CLCA4: variants seen among roughly 807,000 people sequenced by gnomAD.
CLCA4 encodes calcium-activated chloride channel regulator 4.
In CLCA4, 69 loss-of-function variants were observed where a neutral mutation model predicts 78.9. The observed-to-expected ratio is 0.87, with a 90% CI of 0.72 to 1.07. CLCA4 has a LOEUF of 1.07. Ranked by LOEUF, CLCA4 falls within the 50% of genes least tolerant of loss-of-function variation. The pLI is 0.00. For synonymous variants in CLCA4, 362 were observed against 375.8 expected, an observed-to-expected ratio of 0.96 and a Z score of 0.42; for missense variants, 1,133 against 1,095.8, an observed-to-expected ratio of 1.03 and a Z score of -0.48.
chr1:86,571,116 G>A lies in CLCA4; in HGVS notation c.1222G>A (p.Val408Ile), dbSNP rs779067760. 11 of 1,612,412 alleles carry A rather than the reference G, an allele frequency of 6.8e-6. No homozygotes were observed. In the African/African-American group the frequency reaches 1.5e-4, roughly 22 times the overall value. The change falls in exon 8 of 14, where the codon GTA becomes ATA. Residue 408 changes from valine to isoleucine, a missense_variant. Val to Ile is a conservative substitution (Grantham distance 29). Coordinates refer to ENST00000370563, the MANE Select transcript of CLCA4 (RefSeq NM_012128.4). ...ELHSQLDGSE[V>I]LLLTDGEDNT... ...ACATTCCCAACTCGATGGATCCGAA[G>A]TACTGCTGCTGACTGATGGGGAGGA... is the stretch of plus-strand genomic sequence containing the variant.
rs750122208 is a variant in CLCA4 at position 86,580,089 on chromosome 1, A to T, written c.2504A>T (p.Glu835Val). ...GCATTTAAACCAGAAAATATCTCAG[A>T]AGAAAATGCAACCCACATATTTATT... ...SFAFKPENIS[E>V]ENATHIFIAI... Residue 835 changes from glutamate to valine, a missense_variant, in exon 14 of 14, where the codon GAA becomes GTA. Coordinates refer to ENST00000370563, the MANE Select transcript of CLCA4 (RefSeq NM_012128.4). 5 of 1,613,058 alleles carry T rather than the reference A, an allele frequency of 3.1e-6. No homozygotes were observed. Among genetic ancestry groups the T allele is most frequent in the Non-Finnish European group, 4.2e-6 (5 of 1,179,468 alleles).
At chr1:86,579,667 G>T (rs1558203025) in intron 13 of CLCA4, 80 bp downstream of exon 13, 1 of 999,290 alleles carries the variant, frequency 1.0e-6, no homozygotes, top group Non-Finnish European at 1.6e-6. Flanking sequence ...GTGGGTGGGG[G>T]GAGAATGGTT....
chr1:86,559,681 C>T (rs1649955068), intron 1 of CLCA4, among the ~76,000 whole-genome samples: 1 of 152,204 alleles, frequency 6.6e-6, no homozygotes, highest in Non-Finnish European at 1.5e-5. Flanking sequence ...ATCAATTCCT[C>T]TTAATGCCAA....
Position 86,580,013 on chromosome 1 carries a change from G to A in CLCA4, c.2428G>A (p.Val810Ile), listed in dbSNP as rs2231604. The change falls in exon 14 of 14, where the codon GTA becomes ATA. Residue 810 changes from valine (V) to isoleucine (I), a missense_variant. By Grantham distance (29) the Val-to-Ile change is conservative. Transcript: ENST00000370563. ...AGACAGTTTTGATGATGCTCTTCAA[G>A]TAAATACTACTGATCTGTCACCAAA... ...LRDSFDDALQ[V>I]NTTDLSPKEA... 2 of 1,609,704 alleles carry A rather than the reference G, an allele frequency of 1.2e-6. No homozygotes were observed. The highest frequency in any genetic ancestry group is 1.7e-6 in the Non-Finnish European group (2 of 1,176,860).
At chr1:86,557,457 T>G (rs1296007083) in intron 1 of CLCA4, among the ~76,000 whole-genome samples, 1 of 152,206 alleles carries the variant, frequency 6.6e-6, no homozygotes, top group Non-Finnish European at 1.5e-5. Flanking sequence ...TGCTTTAATT[T>G]TATTATTTAC....
chr1:86,578,042 G>A lies in CLCA4; in HGVS notation c.2092G>A (p.Ala698Thr). ...RLKLRPPLNR[A>T]AYIPGWVVNG... ...AAAATTACGGCCTCCACTGAATAGA[G>A]CCGCGTACATACCAGGCTGGGTAGT... Residue 698 changes from alanine to threonine, a missense_variant, in exon 12 of 14, where the codon GCC becomes ACC. Coordinates refer to ENST00000370563, the MANE Select transcript of CLCA4 (RefSeq NM_012128.4). 1 of 1,612,446 alleles carries A rather than the reference G, an allele frequency of 6.2e-7. No individual in the cohort carries two copies. The highest frequency in any genetic ancestry group is 8.5e-7 in the Non-Finnish European group (1 of 1,179,194).
Position 86,567,467 on chromosome 1 carries a change from T to G in CLCA4, c.998T>G (p.Phe333Cys). 6.2e-7 allele frequency: 1 copy of G among 1,613,262 alleles called. No individual in the cohort carries two copies. The highest frequency in any genetic ancestry group is 8.5e-7 in the Non-Finnish European group (1 of 1,179,400). ...CGAATGAATCAAGCAGCAAAACATT[T>G]CCTGCTGCAGACTGTTGAAAATGGA... is the stretch of plus-strand genomic sequence containing the variant. ...LNRMNQAAKH[F>C]LLQTVENGSW... Residue 333 changes from phenylalanine (F) to cysteine (C), a missense_variant, in exon 7 of 14, where the codon TTC (phenylalanine) becomes TGC (cysteine). Phe to Cys is a radical substitution (Grantham distance 205). Coordinates refer to ENST00000370563, the MANE Select transcript of CLCA4 (RefSeq NM_012128.4).
At chr1:86,559,109 G>T (rs1409789029) in intron 1 of CLCA4, among the ~76,000 whole-genome samples, 1 of 152,134 alleles carries the variant, frequency 6.6e-6, no homozygotes, top group Non-Finnish European at 1.5e-5. Flanking sequence ...CAGGTTTGGG[G>T]AAGTTTTCAT....
At chr1:86,568,361 T>C (rs1263867631) in intron 7 of CLCA4, among the ~76,000 whole-genome samples, 1 of 148,718 alleles carries the variant, frequency 6.7e-6, no homozygotes, top group Non-Finnish European at 1.5e-5. Context: ...CTTCATATAC[T>C]ATATATACTA....
intron 1 of CLCA4, among the ~76,000 whole-genome samples, chr1:86,555,038 C>G (rs1179576047): frequency 6.6e-6 from 1 of 152,024 alleles, no homozygotes; most frequent in East Asian, 1.9e-4. Flanking sequence ...GTCCTTTGCC[C>G]ACTTTTTAAT....
chr1:86,578,010 C>T lies in CLCA4; in HGVS notation c.2060C>T (p.Ala687Val). ...KVRAHGGANT[A>V]RLKLRPPLNR... ...CGGGCTCATGGAGGAGCAAACACTG[C>T]CAGGCTAAAATTACGGCCTCCACTG... is the stretch of plus-strand genomic sequence containing the variant. Residue 687 changes from alanine (A) to valine (V), a missense_variant, in exon 12 of 14, where the codon GCC (alanine) becomes GTC (valine). Ala to Val is a moderately conservative substitution (Grantham distance 64). Coordinates refer to ENST00000370563, the MANE Select transcript of CLCA4 (RefSeq NM_012128.4). The T allele has an allele frequency of 1.2e-6, 2 of 1,612,750 alleles. No individual in the cohort carries two copies. The highest frequency in any genetic ancestry group is 1.7e-6 in the Non-Finnish European group (2 of 1,179,318).
intron 1 of CLCA4, chr1:86,552,775 T>C (rs755360994): frequency 1.5e-6 from 2 of 1,362,142 alleles, no homozygotes; most frequent in Non-Finnish European, 2.1e-6. Flanking sequence ...TGTGTCCAGG[T>C]TGTAGTAGGG....
At chr1:86,552,770 C>G in intron 1 of CLCA4, 1 of 1,392,682 alleles carries the variant, frequency 7.2e-7, no homozygotes, top group Non-Finnish European at 1.0e-6. Context: ...AGTACTGTGT[C>G]CAGGTTGTAG....
intron 1 of CLCA4, chr1:86,553,128 C>A: frequency 1.2e-6 from 1 of 814,840 alleles, no homozygotes; most frequent in Non-Finnish European, 2.1e-6. Flanking sequence ...CCTGCGTCAT[C>A]TCCTCTTGGA....
At chr1:86,561,235 G>T (rs754507433) in intron 3 of CLCA4, among the ~76,000 whole-genome samples, 1 of 152,016 alleles carries the variant, frequency 6.6e-6, no homozygotes, top group East Asian at 1.9e-4. Flanking sequence ...GTTTTCCTTG[G>T]CACCTCTAAT....
intron 10 of CLCA4, 136 bp downstream of exon 10, chr1:86,574,891 T>C: frequency 1.5e-6 from 1 of 666,316 alleles, no homozygotes; most frequent in Non-Finnish European, 2.6e-6. Flanking sequence ...TTTCCATGCC[T>C]GTGTCCTTAA....
At chr1:86,566,088 T>C (rs1010123598) in intron 6 of CLCA4, 68 bp downstream of exon 6, 1 of 1,368,554 alleles carries the variant, frequency 7.3e-7, no homozygotes. Flanking sequence ...CTGAACTCTG[T>C]CTGCACCTAG....
At chr1:86,578,170 A>G in intron 12 of CLCA4, 98 bp downstream of exon 12, 2 of 1,086,042 alleles carry the variant, frequency 1.8e-6, no homozygotes, top group Admixed American at 3.1e-5. Context: ...AACTCAAAAT[A>G]TAGCTTTTCC....
At chr1:86,574,496 T>C in intron 9 of CLCA4, 44 bp from the exon 10 acceptor site, 3 of 1,471,778 alleles carry the variant, frequency 2.0e-6, no homozygotes, top group Non-Finnish European at 1.9e-6. Context: ...AAGAATAAAA[T>C]TACTGTCTTC....
Sources: gnomAD v4.1 joint callset for allele counts (sites outside exome capture counted in the v4.1 genomes callset) on GRCh38, gnomAD v4.1.1 for gene constraint, MANE v1.5 for transcripts, NCBI Gene and HGNC (gene_info 2026-07-23, HGNC 2026-07-21) for gene names.